Variants in TAFAZZIN observed in about 807,000 individuals in gnomAD.
TAFAZZIN encodes the protein tafazzin, phospholipid-lysophospholipid transacylase.
In TAFAZZIN, 6 loss-of-function variants were observed where a neutral mutation model predicts 27.3. That is an observed-to-expected ratio of 0.22 (90% confidence interval 0.12 to 0.43). The LOEUF (loss-of-function observed/expected upper bound fraction) is 0.43, where lower values mean the gene tolerates loss of function less well. Ranked by LOEUF, TAFAZZIN falls within the 20% of genes least tolerant of loss-of-function variation. The probability of loss-of-function intolerance (pLI) is 1.00; values close to 1 mark genes in which losing one functional copy is unlikely to be tolerated. For missense variants in TAFAZZIN, 127 were observed against 244.5 expected (o/e 0.52, Z 3.21); for synonymous variants, 79 against 96.2 (o/e 0.82, Z 1.04).
chrX:154,414,989 GGAA>G (rs1569552784), intron 5 of TAFAZZIN, among the ~76,000 whole-genome samples: 1 of 91,831 alleles, frequency 1.1e-5, no homozygotes, highest in African/African-American at 4.0e-5. Flanking sequence ...AACTCCGTCT[GGAA>G]AAAAAAAAAA....
In TAFAZZIN at chrX:154,414,988, TG is replaced by T. The variant is rs200088502; in HGVS notation, c.460+800del. Among the ~76,000 whole-genome samples the T allele has an allele frequency of 2.3e-4, 20 of 87,882 alleles. 1 individual carries two copies. Among genetic ancestry groups the T allele is most frequent in the African/African-American group, 3.5e-4 (8 of 23,049 alleles). The allele number at this position is 87,882 out of a possible 115,157, so 76.3% of individuals were successfully genotyped here. A position where few individuals can be genotyped will look rare whatever the true frequency, so the allele number is the denominator to read the frequency against. On this transcript the variant is annotated intron_variant, in intron 5 of 10. Transcript: ENST00000601016. The stretch of plus-strand genomic sequence containing the variant: ...TGGGCAATAAGAGCGAAACTCCGTC[TG>T]GAAAAAAAAAAAAAAAAAAAGAATT...
At chrX:154,413,942 C>G (rs1557191953) in intron 4 of TAFAZZIN, among the ~76,000 whole-genome samples, 159 bp from the exon 5 acceptor site, 1 of 111,439 alleles carries the variant, frequency 9.0e-6, no homozygotes. Context: ...TCTAGGAGAA[C>G]AAACAGGCTT....
intron 4 of TAFAZZIN, 171 bp downstream of exon 4, chrX:154,413,738 G>A: frequency 4.1e-6 from 2 of 488,748 alleles, no homozygotes; most frequent in Non-Finnish European, 6.9e-6. Flanking sequence ...GGAGGGATGG[G>A]TCCTTGGAAA....
chrX:154,417,012 G>A (rs1248890923), intron 5 of TAFAZZIN, among the ~76,000 whole-genome samples: 3 of 111,177 alleles, frequency 2.7e-5, no homozygotes, highest in Non-Finnish European at 5.7e-5. Flanking sequence ...GCAGGCACCT[G>A]TAGTCCCAGC....
At chrX:154,413,173 G>A (rs1557191533) in intron 2 of TAFAZZIN, 34 bp from the exon 3 acceptor site, 3 of 1,211,763 alleles carry the variant, frequency 2.5e-6, no homozygotes, top group South Asian at 3.5e-5. Flanking sequence ...GGGGATATGG[G>A]AAGTTGGGGC....
At chrX:154,417,114 G>A (rs782454032) in intron 5 of TAFAZZIN, among the ~76,000 whole-genome samples, 4 of 106,742 alleles carry the variant, frequency 3.7e-5, no homozygotes, top group African/African-American at 1.0e-4. Context: ...CAGCCTGGGC[G>A]ACAGAGCGAG....
chrX:154,412,486 C>T (rs1392036783), intron 2 of TAFAZZIN: 2 of 384,756 alleles, frequency 5.2e-6, no homozygotes, highest in Non-Finnish European at 9.0e-6. Context: ...CCTCCAGAAC[C>T]CTCTGTTCTC....
Position 154,414,176 on chromosome X carries a change from AAAG to A in TAFAZZIN, c.451_453del (p.Arg151del), listed in dbSNP as rs2068413983. The A allele has an allele frequency of 8.3e-7, 1 of 1,207,210 alleles. No individual in the cohort carries two copies. Among genetic ancestry groups the A allele is most frequent in the East Asian group, 3.0e-5 (1 of 33,738 alleles). On this transcript the variant is annotated inframe_deletion, in exon 5 of 11. Coordinates refer to ENST00000601016, the MANE Select transcript of TAFAZZIN (RefSeq NM_000116.5). ...GGCAGGCACATGCCAGGTGCTGGAAAAAGAAGAGAGAAAGGTAAGCCAGGCATA... is the reference window on the plus strand; with the variant it reads ...GGCAGGCACATGCCAGGTGCTGGAAAAAGAGAGAAAGGTAAGCCAGGCATA...
chrX:154,414,256 A>C (rs2068416923), intron 5 of TAFAZZIN, 66 bp downstream of exon 5: 10 of 970,335 alleles, frequency 1.0e-5, no homozygotes, highest in Non-Finnish European at 1.5e-5. Context: ...TGAGAGGATC[A>C]CTCAAGCCCA....
Position 154,411,685 on chromosome X carries a change from G to A in TAFAZZIN, c.-159G>A, listed in dbSNP as rs1029501062. The A allele has an allele frequency of 1.9e-4, 102 of 530,161 alleles. No homozygotes were observed. Among genetic ancestry groups the A allele is most frequent in the Non-Finnish European group, 3.1e-4 (97 of 312,373 alleles). 43.7% of individuals were successfully genotyped at this position (530,161 alleles called of 1,213,427 possible). ...CGGGCGCTGCTCCGGCCTGACCTGCGAAGGGACCTCGGTCCAGTCCCCTGT... is the reference window on the plus strand; with the variant it reads ...CGGGCGCTGCTCCGGCCTGACCTGCAAAGGGACCTCGGTCCAGTCCCCTGT... On this transcript the variant is annotated 5_prime_UTR_variant, in exon 1 of 11. Coordinates refer to ENST00000601016, the MANE Select transcript of TAFAZZIN (RefSeq NM_000116.5).
intron 5 of TAFAZZIN, chrX:154,419,334 G>A (rs1259889455): frequency 1.0e-4 from 45 of 449,180 alleles, no homozygotes; most frequent in African/African-American, 9.6e-4. Context: ...ATTGGAGGGC[G>A]TCTGTGGATG....
At chrX:154,419,780 T>TCCC (rs1557193950) in intron 7 of TAFAZZIN, 34 bp downstream of exon 7, 2 of 1,211,115 alleles carry the variant, frequency 1.7e-6, no homozygotes, top group Admixed American at 4.3e-5. Flanking sequence ...ACAGCCATCC[T>TCCC]CCCGGCCCAG....
intron 2 of TAFAZZIN, chrX:154,412,495 T>G: frequency 2.7e-6 from 1 of 369,874 alleles, no homozygotes; most frequent in Non-Finnish European, 4.7e-6. Flanking sequence ...CCCTCTGTTC[T>G]CTAAACCATC....
At chrX:154,412,458 A>G in intron 2 of TAFAZZIN, 1 of 421,524 alleles carries the variant, frequency 2.4e-6, no homozygotes, top group Non-Finnish European at 4.1e-6. Context: ...CATATCTTAC[A>G]GCTCCTTTAA....
In TAFAZZIN at chrX:154,420,108, C is replaced by T. The variant is rs191527230; in HGVS notation, c.646+14C>T. The T allele has an allele frequency of 3.5e-4, 429 of 1,209,512 alleles. No individual in the cohort carries two copies. In the African/African-American group the frequency reaches 6.4e-3, roughly 18 times the overall value. On this transcript the variant is annotated intron_variant, in intron 8 of 10. Transcript: ENST00000601016. ...TGTGGCATGTCGGTGAGCCTGGGGACGGGGACAGAGAGATGGCATCTGGGG... is the reference window on the plus strand; with the variant it reads ...TGTGGCATGTCGGTGAGCCTGGGGATGGGGACAGAGAGATGGCATCTGGGG...
Position 154,420,023 on chromosome X carries a change from C to A in TAFAZZIN, c.584-9C>A, listed in dbSNP as rs2068583124. ...CTTATGCTAACATTTCTACCTCCCC[C>A]CTGGGCAGGAATCGGGCGCCTGATT... On this transcript the variant is annotated splice_polypyrimidine_tract_variant and intron_variant, in intron 7 of 10. Coordinates refer to ENST00000601016, the MANE Select transcript of TAFAZZIN (RefSeq NM_000116.5). 1.7e-6 allele frequency: 2 copies of A among 1,211,720 alleles called. No individual in the cohort carries two copies. The highest frequency in any genetic ancestry group is 2.2e-6 in the Non-Finnish European group (2 of 895,191).
chrX:154,419,662 G>C, intron 6 of TAFAZZIN, 39 bp downstream of exon 6: 3 of 1,211,926 alleles, frequency 2.5e-6, no homozygotes, highest in Non-Finnish European at 3.4e-6. Flanking sequence ...CCCAGTATGA[G>C]CGGGATGGGC....
Position 154,421,043 on chromosome X carries a change from A to T in TAFAZZIN, c.*39A>T. On this transcript the variant is annotated 3_prime_UTR_variant, in exon 11 of 11. Coordinates refer to ENST00000601016, the MANE Select transcript of TAFAZZIN (RefSeq NM_000116.5). ...CCTTCTGGATTCTTGGCCCGCACAG[A>T]GCTGGGGCTGAGGGATGGACTGATG... The T allele has an allele frequency of 8.8e-7, 1 of 1,135,862 alleles. No homozygotes were observed. Among genetic ancestry groups the T allele is most frequent in the Non-Finnish European group, 1.2e-6 (1 of 828,653 alleles). The allele number at this position is 1,135,862 out of a possible 1,213,427, so 93.6% of individuals were successfully genotyped here. A position where few individuals can be genotyped will look rare whatever the true frequency, so the allele number is the denominator to read the frequency against.
chrX:154,419,958 G>C, intron 7 of TAFAZZIN, 74 bp from the exon 8 acceptor site: 2 of 1,175,515 alleles, frequency 1.7e-6, no homozygotes, highest in East Asian at 5.9e-5. Flanking sequence ...GGGGGTGGCA[G>C]TGGCCAGAGG....
Sources: allele counts gnomAD v4.1 joint callset (sites outside exome capture counted in the v4.1 genomes callset), GRCh38; gene constraint gnomAD v4.1.1; transcripts MANE v1.5; gene names NCBI Gene and HGNC (gene_info 2026-07-23, HGNC 2026-07-21).